SLC9B1: variants seen among roughly 807,000 people sequenced by gnomAD.
SLC9B1 encodes sodium/hydrogen exchanger 9B1.
In SLC9B1, 32 loss-of-function variants were observed where a neutral mutation model predicts 51.7. The observed-to-expected ratio is 0.62, with a 90% confidence interval of 0.47 to 0.83. The LOEUF is 0.83. SLC9B1 is among the 40% of genes least tolerant of loss of function. The pLI is 0.00. For missense variants in SLC9B1, 406 were observed against 613.2 expected (o/e 0.66, Z 3.57); for synonymous variants, 145 against 212.7 (o/e 0.68, Z 2.77).
rs1735385293 is a variant in SLC9B1 at position 102,912,474 on chromosome 4, T to G, written c.830-937A>C. On this transcript the variant is annotated intron_variant, in intron 7 of 11. Coordinates refer to ENST00000296422, the MANE Select transcript of SLC9B1 (RefSeq NM_139173.4). ...TATCCATACTTGTAGTTCATTGTAA[T>G]AAGTAAAAAACAAAAAATAAAAAAA... Among the ~76,000 whole-genome samples, 3 of 152,104 alleles carry G rather than the reference T, an allele frequency of 2.0e-5. No homozygotes were observed. The South Asian group carries it at 6.2e-4, about 32-fold the overall frequency.
intron 3 of SLC9B1, among the ~76,000 whole-genome samples, chr4:102,988,539 C>T (rs982230185): frequency 1.3e-5 from 2 of 152,034 alleles, no homozygotes; most frequent in Non-Finnish European, 2.9e-5. Context: ...CATGATGCGG[C>T]AGAGTGGGAT....
intron 11 of SLC9B1, among the ~76,000 whole-genome samples, chr4:102,886,399 G>GA (rs1203875480): frequency 6.6e-5 from 10 of 151,830 alleles, no homozygotes; most frequent in Non-Finnish European, 1.5e-4. Context: ...GCTGAGGCAG[G>GA]AAAATCACTT....
At chr4:102,981,110 C>G (rs1162894374) in intron 3 of SLC9B1, among the ~76,000 whole-genome samples, 1 of 152,120 alleles carries the variant, frequency 6.6e-6, no homozygotes, top group Non-Finnish European at 1.5e-5. Flanking sequence ...GTAGCTATTT[C>G]AGATTGGCTT....
At chr4:102,948,325 T>TACACACACACACAC (rs375091561) in intron 4 of SLC9B1, among the ~76,000 whole-genome samples, 268 of 127,544 alleles carry the variant, frequency 2.1e-3, no homozygotes, top group Non-Finnish European at 3.2e-3. Context: ...GGCAAAGCCA[T>TACACACACACACAC]ACACACACAC....
chr4:103,011,444 C>T (rs1300521562), intron 1 of SLC9B1, among the ~76,000 whole-genome samples: 1 of 152,076 alleles, frequency 6.6e-6, no homozygotes, highest in African/African-American at 2.4e-5. Flanking sequence ...ACTGGTATCT[C>T]TAGTGGCCTA....
At chr4:102,944,283 C>G (rs1017903770) in intron 6 of SLC9B1, among the ~76,000 whole-genome samples, 3 of 152,122 alleles carry the variant, frequency 2.0e-5, no homozygotes, top group African/African-American at 7.2e-5. Context: ...GGGTATTATA[C>G]TTATTACCTG....
intron 3 of SLC9B1, among the ~76,000 whole-genome samples, chr4:102,964,988 A>G (rs1280137138): frequency 1.3e-5 from 2 of 152,026 alleles, no homozygotes; most frequent in Non-Finnish European, 2.9e-5. Flanking sequence ...AGAAAATCCT[A>G]AGGAACACAC....
In SLC9B1 at chr4:102,910,553, C is replaced by T. The variant is rs1307357345; in HGVS notation, c.972G>A (p.Leu324=). The T allele has an allele frequency of 6.6e-7, 1 of 1,521,564 alleles. No homozygotes were observed. The highest frequency in any genetic ancestry group is 8.8e-7 in the Non-Finnish European group (1 of 1,138,228). 94.3% of individuals were successfully genotyped at this position (1,521,564 alleles called of 1,614,324 possible). ...KLTLKRGFLV[L]TMCVSAVLGS... ...CTAAGACGGCAGAAACACACATAGT[C>T]AAAACAAGGAATCCTCTCTTCAATG... Residue 324 remains leucine (L), a synonymous_variant, in exon 9 of 12, where the codon TTG becomes TTA. Transcript: ENST00000296422.
chr4:102,963,967 C>T (rs1212842779), intron 3 of SLC9B1, among the ~76,000 whole-genome samples: 3 of 151,800 alleles, frequency 2.0e-5, no homozygotes, highest in South Asian at 2.1e-4. Flanking sequence ...CAGTGGAAAA[C>T]GATAAATACA....
At chr4:102,961,759 A>G (rs557739895) in intron 3 of SLC9B1, among the ~76,000 whole-genome samples, 44 of 152,356 alleles carry the variant, frequency 2.9e-4, no homozygotes, top group African/African-American at 1.0e-3. Context: ...TCTGGGATAC[A>G]TGTGCAGAAC....
chr4:102,914,764 C>A (rs191305031), intron 7 of SLC9B1, among the ~76,000 whole-genome samples: 2 of 151,952 alleles, frequency 1.3e-5, no homozygotes, highest in Non-Finnish European at 2.9e-5. Flanking sequence ...TCAAGCAGAC[C>A]AATGTATGTA....
intron 6 of SLC9B1, among the ~76,000 whole-genome samples, chr4:102,933,287 T>A (rs1302192944): frequency 6.6e-6 from 1 of 152,208 alleles, no homozygotes; most frequent in Non-Finnish European, 1.5e-5. Context: ...AATGACTGAC[T>A]GATGTGAGTG....
intron 7 of SLC9B1, among the ~76,000 whole-genome samples, chr4:102,924,356 G>T (rs185395084): frequency 6.6e-6 from 1 of 152,256 alleles, no homozygotes; most frequent in African/African-American, 2.4e-5. Context: ...CTAGCAATAC[G>T]TAGAAAACTG....
intron 11 of SLC9B1, among the ~76,000 whole-genome samples, chr4:102,894,234 T>C (rs1734424247): frequency 6.6e-6 from 1 of 152,342 alleles, no homozygotes; most frequent in South Asian, 2.1e-4. Context: ...CCGTTATTTA[T>C]GAAACGCCTA....
At chr4:102,896,573 C>A (rs1276352345), downstream of SLC9B1, among the ~76,000 whole-genome samples, 1 of 152,076 alleles carries the variant, frequency 6.6e-6, no homozygotes, top group African/African-American at 2.4e-5. Context: ...AGGCTCCACC[C>A]CGTAATCCCA....
chr4:102,915,224 T>C (rs1420823253), intron 7 of SLC9B1, among the ~76,000 whole-genome samples: 1 of 152,110 alleles, frequency 6.6e-6, no homozygotes, highest in Non-Finnish European at 1.5e-5. Flanking sequence ...CCACTAGACC[T>C]ACCTTACAAA....
chr4:102,958,828 C>T (rs1025857269), intron 3 of SLC9B1, among the ~76,000 whole-genome samples: 11 of 151,862 alleles, frequency 7.2e-5, no homozygotes, highest in Non-Finnish European at 1.3e-4. Flanking sequence ...GAGGCTGAGG[C>T]AGGAGAATGG....
chr4:102,887,236 T>G (rs1250363628), intron 11 of SLC9B1: 6 of 708,636 alleles, frequency 8.5e-6, no homozygotes, highest in Admixed American at 2.2e-5. Context: ...CGATCTGATT[T>G]TTTTTAGCAA....
At chr4:102,939,406 C>CA (rs56014819) in intron 6 of SLC9B1, among the ~76,000 whole-genome samples, 32,559 of 69,224 alleles carry the variant, frequency 0.47, 5,992 homozygotes, top group African/African-American at 0.55. Context: ...GTCTCTGAGC[C>CA]AAAAAAAAAA....
Sources: allele counts gnomAD v4.1 joint callset (sites outside exome capture counted in the v4.1 genomes callset), GRCh38; gene constraint gnomAD v4.1.1; transcripts MANE v1.5; gene names NCBI Gene and HGNC (gene_info 2026-07-23, HGNC 2026-07-21).